NCR3LG1: variants seen among roughly 807,000 people sequenced by gnomAD.
NCR3LG1 encodes natural killer cell cytotoxicity receptor 3 ligand 1, also known as natural cytotoxicity triggering receptor 3 ligand 1.
In NCR3LG1, 35 loss-of-function variants were observed where a neutral mutation model predicts 34.8. The ratio of observed to expected loss-of-function variants is 1.01; its 90% confidence interval spans 0.77 to 1.33. NCR3LG1 has a LOEUF of 1.33. Among genes scored for constraint, NCR3LG1 ranks in the 40% most tolerant of loss-of-function variants. The pLI is 0.00. For synonymous variants in NCR3LG1, 173 were observed against 163.6 expected, an observed-to-expected ratio of 1.06 and a Z score of -0.44; for missense variants, 452 against 423.3, an observed-to-expected ratio of 1.07 and a Z score of -0.60.
intron 2 of NCR3LG1, 27 bp from the exon 3 acceptor site, chr11:17,366,982 C>T: frequency 1.3e-6 from 2 of 1,509,326 alleles, no homozygotes; most frequent in East Asian, 2.5e-5. Flanking sequence ...CTGGGCCCAA[C>T]TCTGTATGAT....
In NCR3LG1 at chr11:17,362,796, C is replaced by CTCTT. The variant is rs74193431; in HGVS notation, c.422-4192_422-4189dup. Among the ~76,000 whole-genome samples, 831 of 137,708 alleles carry CTCTT rather than the reference C, an allele frequency of 6.0e-3. 70 individuals are homozygous for CTCTT. The highest frequency in any genetic ancestry group is 0.02 in the African/African-American group (739 of 36,320). 90.3% of individuals were successfully genotyped at this position (137,708 alleles called of 152,430 possible). A position where few individuals can be genotyped will look rare whatever the true frequency, so the allele number is the denominator to read the frequency against. ...TCCTTCCTTCTTTCCTTCTTTCTCTCTCTTTCTTTCTTTCTTTCTTTCTTC... is the reference window on the plus strand; with the variant it reads ...TCCTTCCTTCTTTCCTTCTTTCTCTCTCTTTCTTTCTTTCTTTCTTTCTTTCTTC... On this transcript the variant is annotated intron_variant, in intron 2 of 4. Coordinates refer to ENST00000338965, the MANE Select transcript of NCR3LG1 (RefSeq NM_001202439.3).
At chr11:17,356,011 G>T (rs1953200124) in intron 1 of NCR3LG1, among the ~76,000 whole-genome samples, 1 of 151,958 alleles carries the variant, frequency 6.6e-6, no homozygotes, top group Admixed American at 6.6e-5. Flanking sequence ...ATATTGCCTA[G>T]TCTGGTCTGG....
intron 1 of NCR3LG1, among the ~76,000 whole-genome samples, chr11:17,354,057 G>A (rs1565500387): frequency 6.6e-6 from 1 of 152,214 alleles, no homozygotes; most frequent in Non-Finnish European, 1.5e-5. Flanking sequence ...GTATGAGAAT[G>A]TCTTTAAAGG....
chr11:17,364,366 G>GT (rs1458585545), intron 2 of NCR3LG1, among the ~76,000 whole-genome samples: 2 of 151,958 alleles, frequency 1.3e-5, no homozygotes, highest in African/African-American at 2.4e-5. Context: ...GCTAATTTTT[G>GT]TTTTTTAAGT....
At chr11:17,358,310 T>A (rs1953233745) in intron 2 of NCR3LG1, among the ~76,000 whole-genome samples, 1 of 152,212 alleles carries the variant, frequency 6.6e-6, no homozygotes, top group African/African-American at 2.4e-5. Flanking sequence ...AGGCTCCTTT[T>A]TGCTGTGACA....
intron 2 of NCR3LG1, 64 bp from the exon 3 acceptor site, chr11:17,366,945 A>G (rs952465220): frequency 1.1e-5 from 13 of 1,216,430 alleles, no homozygotes; most frequent in South Asian, 1.5e-5. Context: ...GCCAGTTAGC[A>G]TAAGGTGTGG....
At chr11:17,378,280 G>A (rs1273938099), downstream of NCR3LG1, among the ~76,000 whole-genome samples, 1 of 152,146 alleles carries the variant, frequency 6.6e-6, no homozygotes, top group Non-Finnish European at 1.5e-5. Context: ...ATGTACAGGT[G>A]CTTAAAGATC....
intron 2 of NCR3LG1, among the ~76,000 whole-genome samples, chr11:17,358,869 C>T (rs1210769740): frequency 2.6e-5 from 4 of 152,194 alleles, no homozygotes; most frequent in African/African-American, 7.2e-5. Flanking sequence ...AGCTCATTCA[C>T]TTGGCTCTTG....
At chr11:17,360,030 C>G (rs915002997) in intron 2 of NCR3LG1, among the ~76,000 whole-genome samples, 1 of 151,986 alleles carries the variant, frequency 6.6e-6, no homozygotes, top group Non-Finnish European at 1.5e-5. Flanking sequence ...TTCAGCCTCC[C>G]AAGTAGCTAG....
intron 1 of NCR3LG1, among the ~76,000 whole-genome samples, chr11:17,354,453 A>G (rs1953180695): frequency 6.7e-6 from 1 of 149,244 alleles, no homozygotes; most frequent in South Asian, 2.2e-4. Context: ...TTCTAAATTT[A>G]TGTAGTCTGG....
chr11:17,365,492 C>T (rs1453346641), intron 2 of NCR3LG1, among the ~76,000 whole-genome samples: 3 of 152,162 alleles, frequency 2.0e-5, no homozygotes, highest in African/African-American at 7.2e-5. Flanking sequence ...GTTTCTTAGC[C>T]TTTTCTCTTT....
intron 1 of NCR3LG1, among the ~76,000 whole-genome samples, chr11:17,352,540 A>G (rs1168008318): frequency 1.3e-5 from 2 of 152,126 alleles, no homozygotes; most frequent in Non-Finnish European, 2.9e-5. Context: ...ACAGGTTTAC[A>G]TTGAAGGCCT....
At chr11:17,353,730 C>T (rs1222963756) in intron 1 of NCR3LG1, among the ~76,000 whole-genome samples, 1 of 152,170 alleles carries the variant, frequency 6.6e-6, no homozygotes, top group Non-Finnish European at 1.5e-5. Context: ...GCAGCAGCAG[C>T]TCCTGGAGGA....
At chr11:17,353,721 CA>C (rs558385707) in intron 1 of NCR3LG1, among the ~76,000 whole-genome samples, 2,696 of 152,358 alleles carry the variant, frequency 0.018, 33 homozygotes, top group Non-Finnish European at 0.03. Context: ...ACGGCAGCAG[CA>C]GCAGCAGCTC....
chr11:17,362,700 CTTTCTTT>C (rs1564856411), intron 2 of NCR3LG1, among the ~76,000 whole-genome samples: 116 of 4,290 alleles, frequency 0.027, 12 homozygotes, highest in South Asian at 0.13. Context: ...TCCTTTCTTT[CTTTCTTT>C]CTTTCTTTCT....
At position 17,368,923 on chromosome 11, in the gene NCR3LG1, G is replaced by T. The variant is rs1412089022; in HGVS notation, c.817G>T (p.Val273Phe). Reference sequence around the variant, plus strand: ...TTGGTGGCCTATTTCATTCATTGGTGTTGGACTGGTTTTATTAATTGTTTT... The same window carrying T: ...TTGGTGGCCTATTTCATTCATTGGTTTTGGACTGGTTTTATTAATTGTTTT... ...IHWWPISFIG[V>F]GLVLLIVLIP... The change falls in exon 4 of 5, where the codon GTT becomes TTT. Residue 273 changes from valine (V) to phenylalanine (F), a missense_variant. By Grantham distance (50) the Val-to-Phe change is conservative. Coordinates refer to ENST00000338965, the MANE Select transcript of NCR3LG1 (RefSeq NM_001202439.3). 1.3e-6 allele frequency: 2 copies of T among 1,535,088 alleles called. No homozygotes were observed. The highest frequency in any genetic ancestry group is 1.7e-6 in the Non-Finnish European group (2 of 1,146,040).
chr11:17,370,381 G>T (rs1953392893), intron 4 of NCR3LG1, among the ~76,000 whole-genome samples: 1 of 152,198 alleles, frequency 6.6e-6, no homozygotes, highest in South Asian at 2.1e-4. Context: ...ACATTTTGGT[G>T]CATTGGCCAG....
chr11:17,379,902 G>C (rs575650331), downstream of NCR3LG1, among the ~76,000 whole-genome samples: 38 of 152,314 alleles, frequency 2.5e-4, 1 homozygote, highest in Admixed American at 1.6e-3. Flanking sequence ...CCCCCTTCGA[G>C]AGAGAGCCTG....
Position 17,351,887 on chromosome 11 carries a change from C to G in NCR3LG1, c.-83C>G. ...GTGTCTCCGTCAACTCTTTACGCAA[C>G]AGAGGTCTCCCCCTGCCCTTGGTTT... On this transcript the variant is annotated 5_prime_UTR_variant, in exon 1 of 5. Coordinates refer to ENST00000338965, the MANE Select transcript of NCR3LG1 (RefSeq NM_001202439.3). 9.2e-7 allele frequency: 1 copy of G among 1,090,974 alleles called. No individual in the cohort carries two copies. The highest frequency in any genetic ancestry group is 1.3e-6 in the Non-Finnish European group (1 of 745,398). 67.6% of individuals were successfully genotyped at this position (1,090,974 alleles called of 1,614,324 possible).
Sources: allele counts gnomAD v4.1 joint callset (sites outside exome capture counted in the v4.1 genomes callset), GRCh38; gene constraint gnomAD v4.1.1; transcripts MANE v1.5; gene names NCBI Gene and HGNC (gene_info 2026-07-23, HGNC 2026-07-21).